The following BRDT variants were observed in gnomAD, a reference collection of about 807,000 sequenced individuals.
BRDT encodes the protein bromodomain testis-specific protein.
BRDT carries 77 observed loss-of-function variants against 113.9 expected under a neutral mutation model. The ratio of observed to expected loss-of-function variants is 0.68; its 90% CI spans 0.56 to 0.82. BRDT has a LOEUF of 0.82. Among genes scored for constraint, BRDT ranks in the 40% least tolerant of loss-of-function variants. The pLI is 0.00. For missense variants in BRDT, 1,027 were observed against 1,105.4 expected, an observed-to-expected ratio of 0.93 and a Z score of 1.01; for synonymous variants, 358 against 366.5, an observed-to-expected ratio of 0.98 and a Z score of 0.26.
At chr1:91,975,291 T>G (rs1684027788) in intron 4 of BRDT, among the ~76,000 whole-genome samples, 1 of 150,782 alleles carries the variant, frequency 6.6e-6, no homozygotes, top group African/African-American at 2.4e-5. Context: ...TAAAAAAAAT[T>G]TTAAAAAAAA....
intron 4 of BRDT, 115 bp from the exon 5 acceptor site, chr1:91,976,149 AGT>A: frequency 1.0e-6 from 1 of 965,978 alleles, no homozygotes; most frequent in South Asian, 2.7e-5. Context: ...AAATGAAATA[AGT>A]ATCCTATGCT....
chr1:91,991,013 G>A (rs1318834718), intron 12 of BRDT, among the ~76,000 whole-genome samples, 171 bp from the exon 13 acceptor site: 2 of 152,102 alleles, frequency 1.3e-5, no homozygotes, highest in African/African-American at 4.8e-5. Context: ...TAGCCAGGAT[G>A]GTCTCCATCT....
At chr1:91,957,248 C>T (rs1156422371) in intron 1 of BRDT, among the ~76,000 whole-genome samples, 1 of 152,146 alleles carries the variant, frequency 6.6e-6, no homozygotes, top group Non-Finnish European at 1.5e-5. Flanking sequence ...AATCCCAGTA[C>T]TTTGGGAGGC....
intron 18 of BRDT, among the ~76,000 whole-genome samples, chr1:92,013,608 C>G (rs1687991225): frequency 6.6e-6 from 1 of 152,146 alleles, no homozygotes; most frequent in Admixed American, 6.5e-5. Context: ...TCTTAATTAG[C>G]TTTTTCTCTA....
At chr1:91,961,459 G>C (rs1237422112) in intron 1 of BRDT, among the ~76,000 whole-genome samples, 1 of 152,080 alleles carries the variant, frequency 6.6e-6, no homozygotes, top group Non-Finnish European at 1.5e-5. Context: ...TTGAAACCCT[G>C]TCTCTACAAA....
chr1:91,951,760 T>C (rs1681112485), intron 1 of BRDT, among the ~76,000 whole-genome samples: 1 of 150,726 alleles, frequency 6.6e-6, no homozygotes, highest in South Asian at 2.1e-4. Context: ...GGCGACAGAG[T>C]GAGACTCCAA....
Position 92,004,018 on chromosome 1 carries a change from A to G in BRDT, c.2389-396A>G, listed in dbSNP as rs188370371. On this transcript the variant is annotated intron_variant, in intron 16 of 18. Coordinates refer to ENST00000399546, the MANE Select transcript of BRDT (RefSeq NM_207189.4). Reference sequence around the variant, plus strand: ...TCTCAACAAACTCCATGGCATTTTTAGGGTACAATCTTACTTTGCCTCTTA... The same window carrying G: ...TCTCAACAAACTCCATGGCATTTTTGGGGTACAATCTTACTTTGCCTCTTA... Among the ~76,000 whole-genome samples the G allele has an allele frequency of 1.7e-3, 265 of 152,238 alleles. 1 individual carries two copies. The highest frequency in any genetic ancestry group is 8.8e-4 in the Non-Finnish European group (60 of 67,964).
Position 91,991,245 on chromosome 1 carries a change from G to C in BRDT, c.2064G>C (p.Lys688Asn). 6.6e-7 allele frequency: 1 copy of C among 1,514,432 alleles called. No individual in the cohort carries two copies. The highest frequency in any genetic ancestry group is 9.0e-7 in the Non-Finnish European group (1 of 1,106,494). The allele number at this position is 1,514,432 out of a possible 1,614,324, so 93.8% of individuals were successfully genotyped here. A position where few individuals can be genotyped will look rare whatever the true frequency, so the allele number is the denominator to read the frequency against. The change falls in exon 13 of 19, where the codon AAG (lysine) becomes AAC (asparagine). Residue 688 changes from lysine (K) to asparagine (N), a missense_variant and splice_region_variant. Coordinates refer to ENST00000399546, the MANE Select transcript of BRDT (RefSeq NM_207189.4). ...ATTCTCCTTCTAAAGAGAATGTAAA[G>C]GTAAGTGAATTCTTTATTTGTATCT... Reference protein sequence around the residue: ...PNDSPSKENVKKMKNECIPPE... With the variant: ...PNDSPSKENVNKMKNECIPPE...
chr1:92,007,614 C>T (rs571139906), intron 18 of BRDT, among the ~76,000 whole-genome samples: 26 of 152,306 alleles, frequency 1.7e-4, no homozygotes, highest in African/African-American at 6.0e-4. Context: ...TCATCTCCTT[C>T]ATTGACATAG....
intron 12 of BRDT, among the ~76,000 whole-genome samples, chr1:91,986,046 TAAGTC>T (rs1685209564): frequency 6.6e-6 from 1 of 152,242 alleles, no homozygotes; most frequent in African/African-American, 2.4e-5. Flanking sequence ...CATATGCAGA[TAAGTC>T]AAGAACATTT....
chr1:91,957,476 G>A (rs930412045), intron 1 of BRDT: 19 of 148,036 alleles, frequency 1.3e-4, no homozygotes, highest in African/African-American at 4.2e-4. Context: ...CTGGGCGACA[G>A]AGCGAGACTC....
chr1:92,006,827 G>A lies in BRDT; in HGVS notation c.2775+1528G>A, dbSNP rs569999814. Among the ~76,000 whole-genome samples the A allele has an allele frequency of 3.8e-4, 58 of 150,994 alleles. No individual in the cohort carries two copies. The South Asian group carries it at 0.01, about 27-fold the overall frequency. On this transcript the variant is annotated intron_variant, in intron 18 of 18. Coordinates refer to ENST00000399546, the MANE Select transcript of BRDT (RefSeq NM_207189.4). ...TTTGAGACAGAATTTTGCTCTTGTC[G>A]CCCAGGCTGGAGTGCAGTAGTGCAA...
intron 14 of BRDT, 85 bp from the exon 15 acceptor site, chr1:91,993,998 A>G: frequency 9.1e-7 from 1 of 1,099,876 alleles, no homozygotes; most frequent in Non-Finnish European, 1.3e-6. Context: ...ATTAAATTAT[A>G]TTCTTGACTC....
chr1:91,994,399 C>A, intron 15 of BRDT, 145 bp downstream of exon 15: 2 of 690,320 alleles, frequency 2.9e-6, no homozygotes, highest in East Asian at 2.8e-5. Context: ...TACAAATAAT[C>A]ACTGAAGCAC....
At chr1:91,985,286 T>A (rs1685109251) in intron 12 of BRDT, among the ~76,000 whole-genome samples, 1 of 150,702 alleles carries the variant, frequency 6.6e-6, no homozygotes, top group Non-Finnish European at 1.5e-5. Context: ...GGTCTCGATC[T>A]CCTGACCTGG....
rs2101434932 is a variant in BRDT at position 91,949,694 on chromosome 1, G to A, written c.-38+12G>A. 6.6e-6 allele frequency: 1 copy of A among 152,428 alleles called. No individual in the cohort carries two copies. The highest frequency in any genetic ancestry group is 3.4e-3 in the Middle Eastern group (1 of 296). The allele number at this position is 152,428 out of a possible 1,614,324, so 9.4% of individuals were successfully genotyped here. ...TGCCTGCAGCCCAGGTGAGTTGCCA[G>A]TCGCTTCCCTTTGGCCTTACCAACT... On this transcript the variant is annotated intron_variant, in intron 1 of 18. Coordinates refer to ENST00000399546, the MANE Select transcript of BRDT (RefSeq NM_207189.4).
intron 15 of BRDT, among the ~76,000 whole-genome samples, chr1:91,994,685 G>A (rs371481258): frequency 6.6e-6 from 1 of 151,464 alleles, no homozygotes; most frequent in East Asian, 1.9e-4. Flanking sequence ...GCTAAAAAAC[G>A]GTGAAACCCC....
intron 16 of BRDT, among the ~76,000 whole-genome samples, chr1:92,002,436 T>C (rs1227333676): frequency 6.6e-6 from 1 of 152,168 alleles, no homozygotes; most frequent in Non-Finnish European, 1.5e-5. Flanking sequence ...CGATCTCGGC[T>C]CACTGCAACC....
At chr1:91,950,970 G>A (rs1022155994) in intron 1 of BRDT, among the ~76,000 whole-genome samples, 1 of 151,666 alleles carries the variant, frequency 6.6e-6, no homozygotes, top group Non-Finnish European at 1.5e-5. Context: ...GGATGTGGCA[G>A]TGAGCTGAGA....
Sources: gnomAD v4.1 joint callset for allele counts (sites outside exome capture counted in the v4.1 genomes callset) on GRCh38, gnomAD v4.1.1 for gene constraint, MANE v1.5 for transcripts, NCBI Gene and HGNC (gene_info 2026-07-23, HGNC 2026-07-21) for gene names.